The following PTK2 variants were observed in gnomAD, a reference collection of about 807,000 sequenced individuals.
PTK2 encodes protein tyrosine kinase 2.
In PTK2, 45 loss-of-function variants were observed where a neutral mutation model predicts 150.1. The observed-to-expected ratio is 0.30, with a 90% CI of 0.24 to 0.38. The LOEUF is 0.38. PTK2 is among the 10% of genes least tolerant of loss of function. The pLI is 1.00. For missense variants in PTK2, 919 were observed against 1,307.3 expected (o/e 0.70, Z 4.58); for synonymous variants, 432 against 449.2 (o/e 0.96, Z 0.48).
intron 8 of PTK2, among the ~76,000 whole-genome samples, chr8:140,825,210 A>T (rs950493211): frequency 1.8e-4 from 28 of 152,186 alleles, no homozygotes; most frequent in African/African-American, 6.5e-4. Context: ...GACCCACATC[A>T]GATGATAAGC....
At chr8:140,885,124 G>A (rs2100151801) in intron 3 of PTK2, among the ~76,000 whole-genome samples, 1 of 152,184 alleles carries the variant, frequency 6.6e-6, no homozygotes, top group African/African-American at 2.4e-5. Context: ...GAAATTATTT[G>A]TTCTAGTCCT....
At chr8:140,668,184 G>A (rs2093451173) in intron 30 of PTK2, 85 bp downstream of exon 34, 4 of 1,503,674 alleles carry the variant, frequency 2.7e-6, no homozygotes, top group Non-Finnish European at 3.7e-6. Context: ...TGGGGCGGGG[G>A]GACCTAGAGA....
intron 5 of PTK2, among the ~76,000 whole-genome samples, chr8:140,851,088 T>C (rs956827946): frequency 2.9e-4 from 44 of 152,322 alleles, no homozygotes; most frequent in African/African-American, 8.7e-4. Context: ...TAGGTTTACT[T>C]ACTAGCTGGG....
chr8:140,925,859 G>A (rs1334573512), intron 1 of PTK2, 110 bp from the exon 2 acceptor site: 2 of 153,548 alleles, frequency 1.3e-5, no homozygotes, highest in African/African-American at 4.8e-5. Context: ...CTACTTGCCA[G>A]TCATGAAATA....
rs754304372 is a variant in PTK2, at chr8:140,686,706, A to G, written c.2500-12T>C. On this transcript the variant is annotated splice_polypyrimidine_tract_variant and intron_variant, in intron 26 of 31. Coordinates refer to ENST00000522684, the Ensembl canonical transcript of PTK2. ...CTCACATCAGGTTTCTGAAGAAATT[A>G]AAACAAAATCAAAACAATTTCATTT... 46 of 1,608,446 alleles carry G rather than the reference A, an allele frequency of 2.9e-5. No homozygotes were observed. The highest frequency in any genetic ancestry group is 3.7e-5 in the Non-Finnish European group (43 of 1,175,698).
At chr8:140,691,987 C>T (rs1231713351) in intron 26 of PTK2, among the ~76,000 whole-genome samples, 1 of 152,148 alleles carries the variant, frequency 6.6e-6, no homozygotes, top group Non-Finnish European at 1.5e-5. Context: ...GAAATATTTA[C>T]TGTTTTACTT....
At chr8:140,974,642 C>T (rs1163508535) in intron 1 of PTK2, among the ~76,000 whole-genome samples, 1 of 152,128 alleles carries the variant, frequency 6.6e-6, no homozygotes, top group African/African-American at 2.4e-5. Flanking sequence ...ATGATGTTTC[C>T]CTTGCCAACA....
chr8:140,745,029 A>C (rs367563735), intron 18 of PTK2, among the ~76,000 whole-genome samples: 139 of 152,352 alleles, frequency 9.1e-4, no homozygotes, highest in African/African-American at 3.1e-3. Flanking sequence ...AAATATAGAA[A>C]GATAAGCTTC....
rs369382658 is a variant in PTK2 at position 140,746,892 on chromosome 8, CTTT to C, written c.1418-35_1418-33del. 6,137 of 976,268 alleles carry C rather than the reference CTTT, an allele frequency of 6.3e-3. 1 individual carries two copies. Among genetic ancestry groups the C allele is most frequent in the East Asian group, 8.5e-3 (299 of 35,194 alleles). 60.5% of individuals were successfully genotyped at this position (976,268 alleles called of 1,614,324 possible). ...AAAAAGTTCTCCATAGTTATTCTTT[CTTT>C]TTTTTTTTTTTTTTTAGACGGAGTC... On this transcript the variant is annotated intron_variant, in intron 17 of 31. Transcript: ENST00000522684.
At chr8:140,769,305 T>A (rs2100074240) in intron 14 of PTK2, among the ~76,000 whole-genome samples, 1 of 152,198 alleles carries the variant, frequency 6.6e-6, no homozygotes, top group South Asian at 2.1e-4. Flanking sequence ...TGACATTTTT[T>A]AAGAACTCTC....
At chr8:140,775,794 A>G (rs2100078073) in intron 14 of PTK2, among the ~76,000 whole-genome samples, 2 of 152,224 alleles carry the variant, frequency 1.3e-5, no homozygotes, top group African/African-American at 4.8e-5. Flanking sequence ...CTAAGTTGAA[A>G]AGGACACCTA....
intron 14 of PTK2, among the ~76,000 whole-genome samples, chr8:140,769,900 T>C (rs184432865): frequency 6.2e-4 from 95 of 152,342 alleles, no homozygotes; most frequent in African/African-American, 2.1e-3. Flanking sequence ...GCAAAGTTAA[T>C]TTGACTGCCT....
chr8:140,907,714 A>G (rs2100161535), intron 2 of PTK2, among the ~76,000 whole-genome samples: 1 of 151,992 alleles, frequency 6.6e-6, no homozygotes, highest in African/African-American at 2.4e-5. Flanking sequence ...CATTATTATT[A>G]TTTCTGTGAT....
At chr8:140,952,004 A>G (rs1034291041) in intron 1 of PTK2, among the ~76,000 whole-genome samples, 1 of 152,070 alleles carries the variant, frequency 6.6e-6, no homozygotes, top group African/African-American at 2.4e-5. Context: ...TTCGTTTCCC[A>G]GCACATTACA....
exon 29 of PTK2, chr8:140,674,391 T>C (rs965619193): frequency 6.3e-7 from 1 of 1,596,808 alleles, no homozygotes; most frequent in Non-Finnish European, 8.5e-7. Context: ...GTTTCTTTGG[T>C]GGAGCTGCAG....
At chr8:140,803,462 C>T (rs144196693) in intron 11 of PTK2, 81 bp downstream of exon 11, 186 of 1,157,482 alleles carry the variant, frequency 1.6e-4, no homozygotes, top group Non-Finnish European at 2.3e-4. Flanking sequence ...AAAACTTCAT[C>T]CTTTTCATAA....
chr8:140,764,434 C>A, intron 14 of PTK2, 144 bp from the exon 17 acceptor site: 1 of 638,576 alleles, frequency 1.6e-6, no homozygotes, highest in South Asian at 1.9e-5. Flanking sequence ...AAATTTTGCT[C>A]ACACATGAGT....
At chr8:140,702,128 CAAAAAAAAAAAA>C (rs749591009) in intron 25 of PTK2, among the ~76,000 whole-genome samples, 1 of 42,720 alleles carries the variant, frequency 2.3e-5, no homozygotes, top group Middle Eastern at 0.033. Context: ...ACTCTGTCTC[CAAAAAAAAAAAA>C]AAAAAAAAAA....
chr8:140,715,661 T>A (rs555714758), intron 23 of PTK2, among the ~76,000 whole-genome samples: 1 of 152,234 alleles, frequency 6.6e-6, no homozygotes, highest in Non-Finnish European at 1.5e-5. Context: ...TCAATAAAAC[T>A]AACAAAAACA....
Sources: gnomAD v4.1 joint callset for allele counts (sites outside exome capture counted in the v4.1 genomes callset) on GRCh38, gnomAD v4.1.1 for gene constraint, MANE v1.5 for transcripts, NCBI Gene and HGNC (gene_info 2026-07-23, HGNC 2026-07-21) for gene names.